WWOX: variants seen among roughly 807,000 people sequenced by gnomAD.
The protein encoded by WWOX is WW domain-containing oxidoreductase.
In WWOX, 69 loss-of-function variants were observed where a neutral mutation model predicts 46.2. The observed-to-expected ratio is 1.49, with a 90% confidence interval of 1.23 to 1.82. The LOEUF (loss-of-function observed/expected upper bound fraction) is 1.82. WWOX is among the 40% of genes most tolerant of loss of function. WWOX has a pLI of 0.00. For missense variants in WWOX, 919 were observed against 542.6 expected (o/e 1.69, Z -6.89); for synonymous variants, 359 against 202.6 (o/e 1.77, Z -6.56).
intron 5 of WWOX, among the ~76,000 whole-genome samples, chr16:78,312,300 GCTT>G (rs1210750518): frequency 2.6e-5 from 4 of 150,994 alleles, no homozygotes; most frequent in South Asian, 2.1e-4. Context: ...GGTAATTTTA[GCTT>G]CTTTCTCCGT....
intron 8 of WWOX, among the ~76,000 whole-genome samples, chr16:79,123,491 C>T (rs568424461): frequency 1.1e-4 from 17 of 152,202 alleles, no homozygotes; most frequent in Non-Finnish European, 2.4e-4. Context: ...TAGGCTCATT[C>T]ATACACCAGT....
At chr16:78,294,274 C>T (rs2079907001) in intron 5 of WWOX, among the ~76,000 whole-genome samples, 1 of 152,136 alleles carries the variant, frequency 6.6e-6, no homozygotes, top group Admixed American at 6.6e-5. Context: ...ATCTCTGTGC[C>T]AAGCCCAGTG....
chr16:78,909,374 C>T (rs16948814), intron 8 of WWOX, among the ~76,000 whole-genome samples: 8,782 of 152,238 alleles, frequency 0.058, 566 homozygotes, highest in African/African-American at 0.16. Context: ...ATTCTCTGTT[C>T]AGCTGTTAAG....
Position 78,298,581 on chromosome 16 carries a change from C to T in WWOX, c.517-88279C>T, listed in dbSNP as rs567506542. On this transcript the variant is annotated intron_variant, in intron 5 of 8. Transcript: ENST00000566780. Reference sequence around the variant, plus strand: ...CCGAGGCGGGCAGATCACCTGAGGTCAGGAGTTCGAGACCAGCCTGACCAA... The same window carrying T: ...CCGAGGCGGGCAGATCACCTGAGGTTAGGAGTTCGAGACCAGCCTGACCAA... 4.6e-5 allele frequency among the ~76,000 whole-genome samples: 7 copies of T among 152,256 alleles called. No individual in the cohort carries two copies. The South Asian group carries it at 1.5e-3, about 32-fold the overall frequency.
rs1358681314 is a variant in WWOX, at chr16:78,338,047, A to G, written c.517-48813A>G. Among the ~76,000 whole-genome samples, 7 of 120,520 alleles carry G rather than the reference A, an allele frequency of 5.8e-5. 1 individual carries two copies. The highest frequency in any genetic ancestry group is 4.9e-4 in the South Asian group (2 of 4,084). The allele number at this position is 120,520 out of a possible 152,430, so 79.1% of individuals were successfully genotyped here. ...GTTCTTTTAAAACATATATAAAATT[A>G]TTTTTATCAAACATGACAGATCAAA... On this transcript the variant is annotated intron_variant, in intron 5 of 8. Coordinates refer to ENST00000566780, the MANE Select transcript of WWOX (RefSeq NM_016373.4).
chr16:79,174,632 G>A (rs541268425), intron 8 of WWOX, among the ~76,000 whole-genome samples: 87 of 152,266 alleles, frequency 5.7e-4, no homozygotes, highest in Non-Finnish European at 1.1e-3. Context: ...TGGGCAACAA[G>A]AGTGAAACTC....
intron 4 of WWOX, among the ~76,000 whole-genome samples, chr16:78,116,744 G>A (rs997554256): frequency 8.5e-5 from 13 of 152,126 alleles, no homozygotes; most frequent in Non-Finnish European, 1.5e-4. Flanking sequence ...AAGAAAAAAG[G>A]ACTTAAGGGC....
At chr16:78,109,880 A>G (rs760363430) in intron 3 of WWOX, 45 bp downstream of exon 3, 1 of 1,601,602 alleles carries the variant, frequency 6.2e-7, no homozygotes, top group South Asian at 1.1e-5. Flanking sequence ...TTGCTTTTTA[A>G]TAGGAATTTT....
rs922856314 is a variant in WWOX at position 78,506,009 on chromosome 16, C to A, written c.1056+73257C>A. On this transcript the variant is annotated intron_variant, in intron 8 of 8. Coordinates refer to ENST00000566780, the MANE Select transcript of WWOX (RefSeq NM_016373.4). ...TCCGGCAAGAAGACACACCATTCCC[C>A]GTCAGCCCCTTCCCGACCCTTGCAC... Among the ~76,000 whole-genome samples, 4 of 152,208 alleles carry A rather than the reference C, an allele frequency of 2.6e-5. No homozygotes were observed. In the South Asian group the frequency reaches 6.2e-4, roughly 24 times the overall value.
At chr16:78,913,743 C>A (rs760604005) in intron 8 of WWOX, among the ~76,000 whole-genome samples, 1 of 151,664 alleles carries the variant, frequency 6.6e-6, no homozygotes, top group Non-Finnish European at 1.5e-5. Flanking sequence ...CTCACTGCAG[C>A]CTCCAACTCC....
intron 8 of WWOX, among the ~76,000 whole-genome samples, chr16:78,991,356 G>T (rs1305067511): frequency 6.6e-6 from 1 of 152,134 alleles, no homozygotes; most frequent in Non-Finnish European, 1.5e-5. Context: ...CATTTTGGGA[G>T]GCTGAGATGG....
At chr16:79,172,613 C>T (rs887823453) in intron 8 of WWOX, among the ~76,000 whole-genome samples, 3 of 152,138 alleles carry the variant, frequency 2.0e-5, no homozygotes, top group Non-Finnish European at 2.9e-5. Flanking sequence ...TGCCCTCCCT[C>T]GGAATCTGGT....
At chr16:78,182,491 G>A (rs1444300282) in intron 5 of WWOX, among the ~76,000 whole-genome samples, 1 of 151,886 alleles carries the variant, frequency 6.6e-6, no homozygotes, top group African/African-American at 2.4e-5. Context: ...ATCTGCCTCT[G>A]TATCCTGTGA....
rs561185936 is a variant in WWOX, at chr16:78,654,126, C to G, written c.1056+221374C>G. On this transcript the variant is annotated intron_variant, in intron 8 of 8. Coordinates refer to ENST00000566780, the MANE Select transcript of WWOX (RefSeq NM_016373.4). ...GAGAGAAACTCTCAAAGGCCAGGGT[C>G]TGGACTCAAGATGAGCACAGGATTT... Among the ~76,000 whole-genome samples the G allele has an allele frequency of 2.5e-3, 377 of 152,286 alleles. 1 individual carries two copies. Among genetic ancestry groups the G allele is most frequent in the African/African-American group, 8.7e-3 (362 of 41,580 alleles).
intron 5 of WWOX, among the ~76,000 whole-genome samples, chr16:78,384,801 T>C (rs1159797706): frequency 2.0e-5 from 3 of 152,150 alleles, no homozygotes; most frequent in Non-Finnish European, 4.4e-5. Context: ...CTGTTGGGGT[T>C]TGGGGACATA....
At chr16:78,867,564 G>A (rs1231846498) in intron 8 of WWOX, among the ~76,000 whole-genome samples, 1 of 150,514 alleles carries the variant, frequency 6.6e-6, no homozygotes, top group Admixed American at 6.6e-5. Context: ...TTTTTAAGAC[G>A]GAGCTTTGCT....
At chr16:78,822,768 G>C (rs2051538818) in intron 8 of WWOX, among the ~76,000 whole-genome samples, 1 of 152,114 alleles carries the variant, frequency 6.6e-6, no homozygotes. Flanking sequence ...GGGAACTAAA[G>C]GTAGGGGAGA....
intron 8 of WWOX, among the ~76,000 whole-genome samples, chr16:78,937,285 C>T (rs1362568166): frequency 4.6e-5 from 7 of 152,056 alleles, no homozygotes; most frequent in Non-Finnish European, 1.0e-4. Flanking sequence ...ACTGTTTACC[C>T]TGATTCTCCA....
intron 6 of WWOX, among the ~76,000 whole-genome samples, chr16:78,413,426 G>A (rs76770603): frequency 0.035 from 5,322 of 152,240 alleles, 291 homozygotes; most frequent in African/African-American, 0.12. Context: ...GGCATAGGCG[G>A]TAGAGTTAGG....
Sources: gnomAD v4.1 joint callset for allele counts (sites outside exome capture counted in the v4.1 genomes callset) on GRCh38, gnomAD v4.1.1 for gene constraint, MANE v1.5 for transcripts, NCBI Gene and HGNC (gene_info 2026-07-23, HGNC 2026-07-21) for gene names.